ATP8A2: variants seen among roughly 807,000 people sequenced by gnomAD.
The protein encoded by ATP8A2 is ATPase phospholipid transporting 8A2.
Under a neutral mutation model 165.6 loss-of-function variants are expected in ATP8A2, and 100 were observed. The ratio of observed to expected loss-of-function variants is 0.60; its 90% CI spans 0.51 to 0.71. The LOEUF (loss-of-function observed/expected upper bound fraction) is 0.71, where lower values mean the gene tolerates loss of function less well. ATP8A2 is among the 30% of genes least tolerant of loss of function. The pLI is 0.00. For missense variants in ATP8A2, 1,227 were observed against 1,479.5 expected (o/e 0.83, Z 2.80); for synonymous variants, 543 against 548.8 (o/e 0.99, Z 0.15).
chr13:25,536,948 C>T (rs1389537423), intron 6 of ATP8A2, among the ~76,000 whole-genome samples: 1 of 152,194 alleles, frequency 6.6e-6, no homozygotes, highest in Admixed American at 6.5e-5. Flanking sequence ...CACGCTGGGG[C>T]GCTGGGAGGT....
intron 25 of ATP8A2, among the ~76,000 whole-genome samples, chr13:25,760,719 A>T (rs1434132553): frequency 2.0e-5 from 3 of 152,208 alleles, no homozygotes; most frequent in African/African-American, 7.2e-5. Context: ...GTAAATGTTA[A>T]TGTATTTTTG....
chr13:25,443,801 G>A (rs1242106222), intron 1 of ATP8A2, among the ~76,000 whole-genome samples: 1 of 152,146 alleles, frequency 6.6e-6, no homozygotes, highest in Non-Finnish European at 1.5e-5. Context: ...TTTGTTCCTT[G>A]TTGTGGCTCT....
Position 25,885,176 on chromosome 13 carries a change from G to A in ATP8A2, c.3183+22768G>A, listed in dbSNP as rs1006483460. On this transcript the variant is annotated intron_variant, in intron 33 of 36. Coordinates refer to ENST00000381655, the MANE Select transcript of ATP8A2 (RefSeq NM_016529.6). ...CACCCAGGCTGGAGTGCAGTGGTGC[G>A]ATCTTAGCTCACTGCAACCTCCGCC... Among the ~76,000 whole-genome samples the A allele has an allele frequency of 3.7e-4, 54 of 146,762 alleles. 1 individual carries two copies. Among genetic ancestry groups the A allele is most frequent in the Admixed American group, 2.9e-3 (41 of 14,172 alleles).
intron 33 of ATP8A2, 75 bp downstream of exon 33, chr13:25,862,483 C>G: frequency 1.8e-6 from 2 of 1,121,000 alleles, no homozygotes; most frequent in Non-Finnish European, 2.7e-6. Context: ...GGTGAGCAGG[C>G]ACTGTGTGTC....
At chr13:25,961,323 T>C (rs147964133) in intron 33 of ATP8A2, among the ~76,000 whole-genome samples, 1 of 152,242 alleles carries the variant, frequency 6.6e-6, no homozygotes, top group Non-Finnish European at 1.5e-5. Context: ...GGAAGGGGCT[T>C]GAAGCACTTT....
chr13:25,872,676 C>G (rs1324861644), intron 33 of ATP8A2, among the ~76,000 whole-genome samples: 1 of 152,134 alleles, frequency 6.6e-6, no homozygotes, highest in Admixed American at 6.6e-5. Flanking sequence ...CTCTTGGCAG[C>G]CAACAATTCT....
At position 25,529,990 on chromosome 13, in the gene ATP8A2, C is replaced by T. The variant is rs745984170; in HGVS notation, c.222-9C>T. 13 of 1,553,716 alleles carry T rather than the reference C, an allele frequency of 8.4e-6. No homozygotes were observed. In the African/African-American group the frequency reaches 1.8e-4, roughly 21 times the overall value. The stretch of plus-strand genomic sequence containing the variant: ...TAACTGATAGTATTATTTTTCTTTG[C>T]ACTTACAGTACGGCCAAGTACAGCG... On this transcript the variant is annotated splice_polypyrimidine_tract_variant and intron_variant, in intron 2 of 36. Coordinates refer to ENST00000381655, the MANE Select transcript of ATP8A2 (RefSeq NM_016529.6).
At chr13:25,536,175 C>T (rs1474729188) in intron 6 of ATP8A2, among the ~76,000 whole-genome samples, 1 of 152,028 alleles carries the variant, frequency 6.6e-6, no homozygotes, top group South Asian at 2.1e-4. Flanking sequence ...GCAGTGGTGC[C>T]GTCTTGGCTC....
At chr13:25,832,495 A>G (rs1252823200) in intron 28 of ATP8A2, among the ~76,000 whole-genome samples, 2 of 152,242 alleles carry the variant, frequency 1.3e-5, no homozygotes, top group Non-Finnish European at 2.9e-5. Context: ...ATAATATATT[A>G]AAAGAAAAAG....
At chr13:25,630,370 A>G (rs561112409) in intron 24 of ATP8A2, among the ~76,000 whole-genome samples, 3 of 152,314 alleles carry the variant, frequency 2.0e-5, no homozygotes, top group African/African-American at 2.4e-5. Context: ...GTTGATCTCC[A>G]TAGAGATGAC....
At chr13:25,384,618 A>G (rs2032973741) in intron 1 of ATP8A2, among the ~76,000 whole-genome samples, 1 of 152,080 alleles carries the variant, frequency 6.6e-6, no homozygotes, top group African/African-American at 2.4e-5. Context: ...GTATCTATCA[A>G]GTTTTTATTT....
intron 25 of ATP8A2, among the ~76,000 whole-genome samples, chr13:25,737,110 G>A (rs550473289): frequency 6.6e-6 from 1 of 152,240 alleles, no homozygotes; most frequent in African/African-American, 2.4e-5. Flanking sequence ...GGCAAGAAGT[G>A]AAGACAGGAG....
chr13:25,527,794 C>G (rs574696427), intron 2 of ATP8A2, among the ~76,000 whole-genome samples: 63 of 152,250 alleles, frequency 4.1e-4, no homozygotes, highest in Non-Finnish European at 4.9e-4. Flanking sequence ...TAAGCACAGT[C>G]AGCATTTTGC....
intron 35 of ATP8A2, among the ~76,000 whole-genome samples, chr13:25,986,048 C>G (rs1366653807): frequency 6.6e-6 from 1 of 152,148 alleles, no homozygotes; most frequent in Non-Finnish European, 1.5e-5. Context: ...CCACTGAGGA[C>G]TGTCATTCTT....
intron 2 of ATP8A2, among the ~76,000 whole-genome samples, chr13:25,485,655 C>T (rs1346081968): frequency 2.6e-5 from 4 of 152,180 alleles, no homozygotes; most frequent in Non-Finnish European, 4.4e-5. Flanking sequence ...TAGACTGTGG[C>T]CGACGCATAA....
intron 24 of ATP8A2, among the ~76,000 whole-genome samples, chr13:25,637,706 G>A (rs1269318920): frequency 6.6e-6 from 1 of 152,200 alleles, no homozygotes; most frequent in Admixed American, 6.5e-5. Context: ...ACAAAAGGCA[G>A]CAGAAACCTC....
At chr13:25,822,030 G>A (rs1409008027) in intron 27 of ATP8A2, among the ~76,000 whole-genome samples, 4 of 152,128 alleles carry the variant, frequency 2.6e-5, no homozygotes, top group Non-Finnish European at 2.9e-5. Context: ...ATGCATATAT[G>A]AGTATGTACA....
rs9511998 is a variant in ATP8A2, at chr13:25,961,487, G to A, written c.3184-88G>A. On this transcript the variant is annotated intron_variant, in intron 33 of 36. Transcript: ENST00000381655. ...ATTTAGTGCGGTCTGTTGTTTTTGT[G>A]TTGTGAAATATTATCCTTGATTACA... 0.99 allele frequency: 1,114,430 copies of A among 1,121,046 alleles called. 553,977 individuals carry two copies. The highest frequency in any genetic ancestry group is 1 in the East Asian group (41,904 of 41,912). 69.4% of individuals were successfully genotyped at this position (1,121,046 alleles called of 1,614,324 possible).
At chr13:25,376,124 T>G (rs77849404) in intron 1 of ATP8A2, among the ~76,000 whole-genome samples, 11 of 135,268 alleles carry the variant, frequency 8.1e-5, no homozygotes, top group African/African-American at 3.1e-4. Context: ...GAAAAAAAAA[T>G]TCGGAGAAAT....
Sources: allele counts gnomAD v4.1 joint callset (sites outside exome capture counted in the v4.1 genomes callset), GRCh38; gene constraint gnomAD v4.1.1; transcripts MANE v1.5; gene names NCBI Gene and HGNC (gene_info 2026-07-23, HGNC 2026-07-21).